The following CCBE1 variants were observed in gnomAD, a reference collection of about 807,000 sequenced individuals.
CCBE1 encodes the protein collagen and calcium binding EGF domains 1.
In CCBE1, 37 loss-of-function variants were observed where a neutral mutation model predicts 50.0. The observed-to-expected ratio is 0.74, with a 90% CI of 0.57 to 0.97. The LOEUF (loss-of-function observed/expected upper bound fraction) is 0.97. Among genes scored for constraint, CCBE1 ranks in the 50% least tolerant of loss-of-function variants. The pLI is 0.00. For missense variants in CCBE1, 538 were observed against 523.8 expected (o/e 1.03, Z -0.26); for synonymous variants, 234 against 203.7 (o/e 1.15, Z -1.27).
At chr18:59,635,813 G>A (rs921756263) in intron 2 of CCBE1, among the ~76,000 whole-genome samples, 1 of 151,948 alleles carries the variant, frequency 6.6e-6, no homozygotes, top group African/African-American at 2.4e-5. Flanking sequence ...TGACATGGCA[G>A]AAATAATTTA....
At chr18:59,672,031 T>C (rs538731725) in intron 2 of CCBE1, among the ~76,000 whole-genome samples, 2 of 152,298 alleles carry the variant, frequency 1.3e-5, no homozygotes, top group East Asian at 3.9e-4. Context: ...AGACTGTCCA[T>C]TCACATAGAA....
chr18:59,618,375 T>G (rs1232810002), intron 2 of CCBE1, among the ~76,000 whole-genome samples: 1 of 151,928 alleles, frequency 6.6e-6, no homozygotes, highest in Non-Finnish European at 1.5e-5. Flanking sequence ...AGTAGCCAAC[T>G]CTTATTCCCA....
intron 2 of CCBE1, among the ~76,000 whole-genome samples, chr18:59,627,052 C>T (rs1445174920): frequency 6.6e-6 from 1 of 152,162 alleles, no homozygotes; most frequent in Non-Finnish European, 1.5e-5. Context: ...AGCTCAGTTT[C>T]CTTATCACTA....
At chr18:59,465,623 T>C (rs759427238) in intron 5 of CCBE1, 2 of 152,246 alleles carry the variant, frequency 1.3e-5, no homozygotes, top group Admixed American at 6.5e-5. Context: ...AAGCATAAAT[T>C]TTTGGATTTA....
In CCBE1 at chr18:59,436,515, G is replaced by A. The variant is rs139856533; in HGVS notation, c.988-374C>T. Among the ~76,000 whole-genome samples, 518 of 152,250 alleles carry A rather than the reference G, an allele frequency of 3.4e-3. 2 individuals carry two copies. Among genetic ancestry groups the A allele is most frequent in the African/African-American group, 0.011 (450 of 41,552 alleles). ...GTTGGATTTGAATCTCATCTCTGCC[G>A]CTTACTAGCTGTGTCATCTTAATTT... On this transcript the variant is annotated intron_variant, in intron 10 of 10. Coordinates refer to ENST00000439986, the MANE Select transcript of CCBE1 (RefSeq NM_133459.4).
chr18:59,630,578 C>T (rs140247185), intron 2 of CCBE1, among the ~76,000 whole-genome samples: 1 of 152,246 alleles, frequency 6.6e-6, no homozygotes, highest in African/African-American at 2.4e-5. Flanking sequence ...AGGATGCAAG[C>T]AGGCATTCTC....
intron 2 of CCBE1, among the ~76,000 whole-genome samples, chr18:59,659,817 A>G (rs2054257650): frequency 6.6e-6 from 1 of 152,176 alleles, no homozygotes; most frequent in Non-Finnish European, 1.5e-5. Flanking sequence ...GATCAAACAC[A>G]TGGATGAAAG....
intron 6 of CCBE1, 127 bp downstream of exon 6, chr18:59,454,724 C>CA: frequency 1.2e-6 from 1 of 840,212 alleles, no homozygotes; most frequent in East Asian, 2.6e-5. Flanking sequence ...TCCATGCAAA[C>CA]CTCACTGGCA....
intron 2 of CCBE1, among the ~76,000 whole-genome samples, chr18:59,576,031 T>C (rs2052990098): frequency 6.6e-6 from 1 of 152,262 alleles, no homozygotes; most frequent in Non-Finnish European, 1.5e-5. Context: ...CTAATCTTTT[T>C]GCATTTGGCC....
chr18:59,693,428 G>T (rs934389230), intron 2 of CCBE1, among the ~76,000 whole-genome samples: 4 of 152,124 alleles, frequency 2.6e-5, no homozygotes, highest in African/African-American at 9.7e-5. Flanking sequence ...GGCAGCCAGG[G>T]CTTAACTGTA....
chr18:59,643,859 C>T (rs1465236792), intron 2 of CCBE1, among the ~76,000 whole-genome samples: 7 of 152,158 alleles, frequency 4.6e-5, no homozygotes, highest in South Asian at 2.1e-4. Flanking sequence ...GAACAGGTTT[C>T]GAAACTGCAG....
At chr18:59,525,836 A>T (rs1278147427) in intron 2 of CCBE1, among the ~76,000 whole-genome samples, 1 of 141,540 alleles carries the variant, frequency 7.1e-6, no homozygotes, top group East Asian at 4.2e-4. Context: ...GAACACCATT[A>T]ATTAAATAGG....
intron 2 of CCBE1, among the ~76,000 whole-genome samples, chr18:59,604,165 C>T (rs916743343): frequency 6.6e-6 from 1 of 152,260 alleles, no homozygotes; most frequent in Non-Finnish European, 1.5e-5. Context: ...CCCCTCTTCA[C>T]CCCATAAGAG....
chr18:59,510,299 G>T (rs1914075756), intron 2 of CCBE1, among the ~76,000 whole-genome samples: 1 of 152,228 alleles, frequency 6.6e-6, no homozygotes, highest in Non-Finnish European at 1.5e-5. Flanking sequence ...AGGATTTAAT[G>T]ATATTTGCAG....
intron 2 of CCBE1, among the ~76,000 whole-genome samples, chr18:59,524,902 C>T (rs974266623): frequency 2.6e-5 from 4 of 152,184 alleles, no homozygotes; most frequent in African/African-American, 7.2e-5. Flanking sequence ...CAGCTCCATC[C>T]ATGTCCCTGC....
intron 2 of CCBE1, among the ~76,000 whole-genome samples, chr18:59,609,679 A>G (rs906716194): frequency 1.3e-5 from 2 of 152,172 alleles, no homozygotes; most frequent in African/African-American, 4.8e-5. Flanking sequence ...TTTCACCCTT[A>G]CCCAATCCAT....
chr18:59,661,513 A>C (rs561096664), intron 2 of CCBE1, among the ~76,000 whole-genome samples: 105 of 152,198 alleles, frequency 6.9e-4, no homozygotes, highest in African/African-American at 2.2e-3. Context: ...TTACTCAGGT[A>C]GTTTTATTCT....
At chr18:59,534,770 C>T (rs1336443371) in intron 2 of CCBE1, among the ~76,000 whole-genome samples, 1 of 152,130 alleles carries the variant, frequency 6.6e-6, no homozygotes, top group Non-Finnish European at 1.5e-5. Context: ...AACTTCTGGC[C>T]CCAGATCTAG....
chr18:59,607,040 A>G (rs1034986183), intron 2 of CCBE1, among the ~76,000 whole-genome samples: 8 of 148,088 alleles, frequency 5.4e-5, no homozygotes, highest in Non-Finnish European at 1.2e-4. Flanking sequence ...TACTCCATAA[A>G]AGGTGTGTTG....
Sources: gnomAD v4.1 joint callset for allele counts (sites outside exome capture counted in the v4.1 genomes callset) on GRCh38, gnomAD v4.1.1 for gene constraint, MANE v1.5 for transcripts, NCBI Gene and HGNC (gene_info 2026-07-23, HGNC 2026-07-21) for gene names.